The following MTUS1 variants were observed in gnomAD, a reference collection of about 807,000 sequenced individuals.
MTUS1 encodes microtubule-associated tumor suppressor 1.
A neutral mutation model predicts 120.8 loss-of-function variants in MTUS1; 109 were observed. That is an observed-to-expected ratio of 0.90 (90% CI 0.77 to 1.06). MTUS1 has a LOEUF of 1.06. Ranked by LOEUF, MTUS1 falls within the 50% of genes least tolerant of loss-of-function variation. The pLI is 0.00. For missense variants in MTUS1, 2,210 were observed against 1,486.3 expected (o/e 1.49, Z -8.01); for synonymous variants, 737 against 550.5 (o/e 1.34, Z -4.74).
intron 7 of MTUS1, chr8:17,676,357 C>A (rs78720062): frequency 0.022 from 15,555 of 702,872 alleles, 411 homozygotes; most frequent in Admixed American, 0.088. Flanking sequence ...CAAGTCCCCC[C>A]ACCCCTCGCA....
chr8:17,731,782 A>T (rs977380793), intron 3 of MTUS1, among the ~76,000 whole-genome samples: 3 of 152,268 alleles, frequency 2.0e-5, no homozygotes, highest in Non-Finnish European at 2.9e-5. Context: ...TGAAACAATG[A>T]ATACAAAGAG....
chr8:17,794,496 C>T (rs904759258), intron 1 of MTUS1, among the ~76,000 whole-genome samples: 4 of 152,094 alleles, frequency 2.6e-5, no homozygotes, highest in South Asian at 2.1e-4. Flanking sequence ...TAATACAACA[C>T]GTGAATTTTT....
At chr8:17,757,121 A>T (rs766219597) in intron 1 of MTUS1, among the ~76,000 whole-genome samples, 2 of 152,220 alleles carry the variant, frequency 1.3e-5, no homozygotes, top group Non-Finnish European at 2.9e-5. Flanking sequence ...AGCACTATTC[A>T]TAATAGTCAT....
chr8:17,767,707 A>AAAAAAAAAACAAATAAACAAACAAAC (rs57053978), intron 1 of MTUS1, among the ~76,000 whole-genome samples: 1 of 144,444 alleles, frequency 6.9e-6, no homozygotes, highest in Non-Finnish European at 1.5e-5. Flanking sequence ...TCTTAAAAAA[A>AAAAAAAAAACAAATAAACAAACAAAC]AAAAAAAAAA....
rs909504582 is a variant in MTUS1, at chr8:17,645,936, G to A, written c.3803C>T (p.Ser1268Leu). The change falls in exon 15 of 15, where the codon TCA becomes TTA. Residue 1268 changes from serine (S) to leucine (L), a missense_variant. By Grantham distance (145) the Ser-to-Leu change is moderately radical. Coordinates refer to ENST00000693296, the MANE Select transcript of MTUS1 (RefSeq NM_001363059.2). ...GACTTTGGGGAGGTGTCATCTGGGT[G>A]AAATGCTGGGGCTAGGGAAGGAGCC... ...NSGSFPSPSISPR is the reference protein window; with the variant it reads ...NSGSFPSPSILPR 3.1e-6 allele frequency: 5 copies of A among 1,611,460 alleles called. No homozygotes were observed. The highest frequency in any genetic ancestry group is 4.2e-6 in the Non-Finnish European group (5 of 1,179,594).
At position 17,645,724 on chromosome 8, in the gene MTUS1, G is replaced by C. The variant is rs764724547; in HGVS notation, c.*202C>G. ...ATCTTTTTTTAAATCTTTTTTTGGA[G>C]GAATCTTTTGGACGGAGGCAAAAGT... On this transcript the variant is annotated 3_prime_UTR_variant, in exon 15 of 15. Transcript: ENST00000693296. The C allele has an allele frequency of 2.0e-5, 11 of 562,418 alleles. No homozygotes were observed. The highest frequency in any genetic ancestry group is 2.8e-5 in the Non-Finnish European group (10 of 351,754). The allele number at this position is 562,418 out of a possible 1,614,324, so 34.8% of individuals were successfully genotyped here. A position where few individuals can be genotyped will look rare whatever the true frequency, so the allele number is the denominator to read the frequency against.
chr8:17,647,051 T>C lies in MTUS1; in HGVS notation c.3530A>G (p.Lys1177Arg), dbSNP rs753107149. The C allele has an allele frequency of 5.0e-6, 8 of 1,613,978 alleles. No individual in the cohort carries two copies. The highest frequency in any genetic ancestry group is 4.5e-5 in the East Asian group (2 of 44,876). The part of the protein sequence containing the change: ...LVDNNTALVD[K>R]LKRFQQENEE... Reference sequence around the variant, plus strand: ...ATTCTCCTGCTGGAAACGCTTCAATTTGTCAACCAATGCTGTGTTGTTGTC... The same window carrying C: ...ATTCTCCTGCTGGAAACGCTTCAATCTGTCAACCAATGCTGTGTTGTTGTC... Residue 1177 changes from lysine (K) to arginine (R), a missense_variant, in exon 14 of 15, where the codon AAA becomes AGA. Physicochemically the swap from Lys to Arg is conservative, Grantham distance 26. Transcript: ENST00000693296.
chr8:17,713,123 G>T, intron 6 of MTUS1, 91 bp downstream of exon 6: 1 of 1,032,524 alleles, frequency 9.7e-7, no homozygotes, highest in Non-Finnish European at 1.5e-6. Context: ...CTACTTATAA[G>T]CACACCAGTA....
intron 13 of MTUS1, among the ~76,000 whole-genome samples, chr8:17,648,083 G>T (rs1249657159): frequency 6.6e-6 from 1 of 152,200 alleles, no homozygotes; most frequent in Non-Finnish European, 1.5e-5. Context: ...TTGAGATTGG[G>T]AGGTATTGTC....
chr8:17,738,235 TG>T (rs1414548483), intron 3 of MTUS1, among the ~76,000 whole-genome samples: 1 of 152,204 alleles, frequency 6.6e-6, no homozygotes, highest in Admixed American at 6.5e-5. Context: ...ATTCTTCTCA[TG>T]GGGCCTTTTC....
At chr8:17,715,329 A>T (rs1381986302) in intron 5 of MTUS1, among the ~76,000 whole-genome samples, 2 of 152,212 alleles carry the variant, frequency 1.3e-5, no homozygotes, top group African/African-American at 2.4e-5. Context: ...CAGCAAATAA[A>T]AAGTGAGGGA....
intron 1 of MTUS1, among the ~76,000 whole-genome samples, chr8:17,781,188 A>C (rs1404456961): frequency 6.6e-6 from 1 of 152,208 alleles, no homozygotes; most frequent in Non-Finnish European, 1.5e-5. Flanking sequence ...AGGAGTCTCT[A>C]AAAGAAATAC....
intron 7 of MTUS1, among the ~76,000 whole-genome samples, chr8:17,675,548 C>T (rs1489557613): frequency 6.6e-6 from 1 of 152,188 alleles, no homozygotes; most frequent in Admixed American, 6.5e-5. Context: ...TCCATAGAAC[C>T]TTTCGGCTAA....
intron 3 of MTUS1, among the ~76,000 whole-genome samples, chr8:17,734,778 C>A (rs2046816430): frequency 6.6e-6 from 1 of 152,164 alleles, no homozygotes; most frequent in Non-Finnish European, 1.5e-5. Context: ...GACACCTATG[C>A]TAATAATGCC....
chr8:17,783,411 G>T (rs978658594), intron 1 of MTUS1, among the ~76,000 whole-genome samples: 7 of 152,178 alleles, frequency 4.6e-5, no homozygotes, highest in African/African-American at 1.7e-4. Flanking sequence ...CAAAGTCTCA[G>T]CACTCCAGGA....
intron 8 of MTUS1, among the ~76,000 whole-genome samples, chr8:17,664,892 T>G (rs1210536736): frequency 1.3e-5 from 2 of 152,102 alleles, no homozygotes; most frequent in Non-Finnish European, 2.9e-5. Context: ...AATTGATGCT[T>G]TGTGGACAGG....
chr8:17,778,308 A>G (rs1473818129), intron 1 of MTUS1, among the ~76,000 whole-genome samples: 3 of 152,212 alleles, frequency 2.0e-5, no homozygotes, highest in Non-Finnish European at 4.4e-5. Flanking sequence ...TTTATATAAT[A>G]TTCTGGAAAG....
At chr8:17,672,681 G>C (rs894043684) in intron 8 of MTUS1, among the ~76,000 whole-genome samples, 5 of 152,288 alleles carry the variant, frequency 3.3e-5, no homozygotes, top group African/African-American at 9.6e-5. Flanking sequence ...TATGCCTGCT[G>C]CAACAGCAGC....
rs144055449 is a variant in MTUS1, at chr8:17,666,553, C to A, written c.2905+8633G>T. ...GCAGTGTCAAAGGGTAGTCCTGGGG[C>A]ACCTACATGAGAACCACCTGGATGA... On this transcript the variant is annotated intron_variant, in intron 8 of 14. Coordinates refer to ENST00000693296, the MANE Select transcript of MTUS1 (RefSeq NM_001363059.2). Among the ~76,000 whole-genome samples the A allele has an allele frequency of 4.8e-3, 730 of 152,254 alleles. 12 individuals are homozygous for A. Among genetic ancestry groups the A allele is most frequent in the African/African-American group, 0.016 (675 of 41,544 alleles).
Sources: allele counts gnomAD v4.1 joint callset (sites outside exome capture counted in the v4.1 genomes callset), GRCh38; gene constraint gnomAD v4.1.1; transcripts MANE v1.5; gene names NCBI Gene and HGNC (gene_info 2026-07-23, HGNC 2026-07-21).